The following B3GLCT variants were observed in gnomAD, a reference collection of about 807,000 sequenced individuals.
The protein encoded by B3GLCT is beta-1,3-glucosyltransferase.
B3GLCT carries 65 observed loss-of-function variants against 63.4 expected under a neutral mutation model. That is an observed-to-expected ratio of 1.03 (90% CI 0.84 to 1.26). B3GLCT has a LOEUF of 1.26. B3GLCT is among the 50% of genes most tolerant of loss of function. B3GLCT has a pLI of 0.00. For missense variants in B3GLCT, 577 were observed against 604.8 expected, an observed-to-expected ratio of 0.95 and a Z score of 0.48; for synonymous variants, 233 against 219.2, an observed-to-expected ratio of 1.06 and a Z score of -0.55.
chr13:31,254,528 A>G (rs149912130), intron 6 of B3GLCT, among the ~76,000 whole-genome samples: 3 of 152,312 alleles, frequency 2.0e-5, no homozygotes, highest in Admixed American at 6.5e-5. Flanking sequence ...AATAAGAACT[A>G]TTTATGACAA....
rs564576285 is a variant in B3GLCT, at chr13:31,315,401, G to T, written c.1065-2165G>T. ...CACTCTTGCTGCGTTTTAGCAAAGA[G>T]ACTGGTGGAATTTTGCCCCTGCCCT... On this transcript the variant is annotated intron_variant, in intron 12 of 14. Coordinates refer to ENST00000343307, the MANE Select transcript of B3GLCT (RefSeq NM_194318.4). Among the ~76,000 whole-genome samples the T allele has an allele frequency of 2.0e-5, 3 of 152,318 alleles. No individual in the cohort carries two copies. The South Asian group carries it at 6.2e-4, about 32-fold the overall frequency.
chr13:31,317,510 T>A, intron 12 of B3GLCT, 56 bp from the exon 13 acceptor site: 1 of 1,608,636 alleles, frequency 6.2e-7, no homozygotes, highest in South Asian at 1.1e-5. Flanking sequence ...CATAAACTGT[T>A]CCATAACCAC....
chr13:31,331,772 C>T lies in B3GLCT; in HGVS notation c.*2104C>T, dbSNP rs1476183377. ...AGAGATGTTATTTTAGAATCGATTC[C>T]CATCTAAAGAACTCAATTTTGAGTC... is the stretch of plus-strand genomic sequence containing the variant. On this transcript the variant is annotated 3_prime_UTR_variant, in exon 15 of 15. Transcript: ENST00000343307. The T allele has an allele frequency of 6.6e-6, 1 of 152,094 alleles. No homozygotes were observed. Among genetic ancestry groups the T allele is most frequent in the Non-Finnish European group, 1.5e-5 (1 of 68,010 alleles). The allele number at this position is 152,094 out of a possible 1,614,324, so 9.4% of individuals were successfully genotyped here. A position where few individuals can be genotyped will look rare whatever the true frequency, so the allele number is the denominator to read the frequency against.
At chr13:31,314,026 T>G (rs984149765) in intron 12 of B3GLCT, among the ~76,000 whole-genome samples, 2 of 152,178 alleles carry the variant, frequency 1.3e-5, no homozygotes, top group Non-Finnish European at 2.9e-5. Context: ...AGCTTCCATG[T>G]GGTGTTGAGC....
At chr13:31,229,987 A>G (rs1374384288) in intron 4 of B3GLCT, among the ~76,000 whole-genome samples, 1 of 152,086 alleles carries the variant, frequency 6.6e-6, no homozygotes, top group Non-Finnish European at 1.5e-5. Context: ...AAATTTTGGT[A>G]ACAAGTTCTA....
intron 12 of B3GLCT, among the ~76,000 whole-genome samples, chr13:31,314,729 A>G (rs978673631): frequency 6.6e-6 from 1 of 152,198 alleles, no homozygotes; most frequent in Admixed American, 6.5e-5. Context: ...TTGGGAAAGC[A>G]TGATTGGTTT....
At chr13:31,260,189 C>G (rs2137828978) in intron 6 of B3GLCT, among the ~76,000 whole-genome samples, 1 of 152,294 alleles carries the variant, frequency 6.6e-6, no homozygotes, top group Middle Eastern at 3.4e-3. Flanking sequence ...GCATTAAGTC[C>G]TTTGACGGCT....
chr13:31,228,724 A>C (rs1205618678), intron 3 of B3GLCT, among the ~76,000 whole-genome samples: 3 of 152,258 alleles, frequency 2.0e-5, no homozygotes, highest in Non-Finnish European at 4.4e-5. Flanking sequence ...ATGAAGTCAC[A>C]TTCTGAGGTA....
At chr13:31,263,690 TG>T (rs1308565667) in intron 7 of B3GLCT, among the ~76,000 whole-genome samples, 1 of 152,208 alleles carries the variant, frequency 6.6e-6, no homozygotes, top group Non-Finnish European at 1.5e-5. Context: ...TCTGGCATTT[TG>T]CAAGGTAGTC....
In B3GLCT at chr13:31,323,787, C is replaced by G. The variant is rs139927237; in HGVS notation, c.1221C>G (p.Leu407=). 8 of 1,614,038 alleles carry G rather than the reference C, an allele frequency of 5.0e-6. No homozygotes were observed. The highest frequency in any genetic ancestry group is 1.7e-5 in the Admixed American group (1 of 59,996). Residue 407 remains leucine, a synonymous_variant, in exon 14 of 15, where the codon CTC becomes CTG. Coordinates refer to ENST00000343307, the MANE Select transcript of B3GLCT (RefSeq NM_194318.4). ...GCAGAGAAGCCGTCAGGAGACTTCT[C>G]GCCAGTAAATGTCGATGCTACAGCA... The part of the protein sequence containing the change: ...VFSREAVRRL[L]ASKCRCYSND...
chr13:31,221,532 C>T (rs1409934481), intron 2 of B3GLCT, among the ~76,000 whole-genome samples: 2 of 152,186 alleles, frequency 1.3e-5, no homozygotes, highest in African/African-American at 2.4e-5. Flanking sequence ...CTTGATCCAT[C>T]GTGAGAGTTA....
chr13:31,230,869 G>A (rs1444972263), intron 4 of B3GLCT, among the ~76,000 whole-genome samples: 3 of 152,082 alleles, frequency 2.0e-5, no homozygotes, highest in Non-Finnish European at 4.4e-5. Flanking sequence ...TTAGCTGGGC[G>A]TGGTGGTGTG....
chr13:31,327,173 A>G (rs1316386870), intron 14 of B3GLCT, among the ~76,000 whole-genome samples: 1 of 152,204 alleles, frequency 6.6e-6, no homozygotes, highest in Non-Finnish European at 1.5e-5. Context: ...TTTACTTTAG[A>G]AAGTAGGCAG....
rs530910525 is a variant in B3GLCT at position 31,286,878 on chromosome 13, A to C, written c.1064+59A>C. 30 of 1,196,274 alleles carry C rather than the reference A, an allele frequency of 2.5e-5. No individual in the cohort carries two copies. The African/African-American group carries it at 4.1e-4, about 16-fold the overall frequency. The allele number at this position is 1,196,274 out of a possible 1,614,324, so 74.1% of individuals were successfully genotyped here. A position where few individuals can be genotyped will look rare whatever the true frequency, so the allele number is the denominator to read the frequency against. ...ATTCTACATATATTCATATTCAAAA[A>C]ACTAGATGGGTACTTTTTCTGGCCA... On this transcript the variant is annotated intron_variant, in intron 12 of 14. Coordinates refer to ENST00000343307, the MANE Select transcript of B3GLCT (RefSeq NM_194318.4).
intron 12 of B3GLCT, among the ~76,000 whole-genome samples, chr13:31,300,040 C>T (rs534311631): frequency 9.7e-4 from 147 of 152,282 alleles, no homozygotes; most frequent in Non-Finnish European, 1.7e-3. Flanking sequence ...TTTTTACCTC[C>T]TTTGGTCAAA....
intron 12 of B3GLCT, among the ~76,000 whole-genome samples, chr13:31,315,655 T>C (rs954776443): frequency 6.6e-6 from 1 of 152,238 alleles, no homozygotes; most frequent in African/African-American, 2.4e-5. Context: ...CCCCATTTTC[T>C]GGGGAGAAAT....
chr13:31,211,584 T>G (rs1869260527), intron 1 of B3GLCT, among the ~76,000 whole-genome samples: 1 of 151,204 alleles, frequency 6.6e-6, no homozygotes, highest in African/African-American at 2.4e-5. Context: ...ACTTTTTTGG[T>G]TTGGGTTTTT....
chr13:31,239,538 C>T (rs1423137449), intron 4 of B3GLCT, among the ~76,000 whole-genome samples: 3 of 152,036 alleles, frequency 2.0e-5, no homozygotes, highest in Admixed American at 6.6e-5. Context: ...CTTAAAATTC[C>T]TTCTGGAGTG....
intron 6 of B3GLCT, among the ~76,000 whole-genome samples, chr13:31,250,155 G>A (rs1871362614): frequency 6.6e-6 from 1 of 152,070 alleles, no homozygotes; most frequent in South Asian, 2.1e-4. Context: ...TATGAGGTGT[G>A]TTGACTTTAA....
Sources: gnomAD v4.1 joint callset for allele counts (sites outside exome capture counted in the v4.1 genomes callset) on GRCh38, gnomAD v4.1.1 for gene constraint, MANE v1.5 for transcripts, NCBI Gene and HGNC (gene_info 2026-07-23, HGNC 2026-07-21) for gene names.